LTF: variants seen among roughly 807,000 people sequenced by gnomAD.
The protein encoded by LTF is epididymis luminal protein 110.
A neutral mutation model predicts 87.2 loss-of-function variants in LTF; 91 were observed. The observed-to-expected ratio is 1.04, with a 90% confidence interval of 0.88 to 1.24. The LOEUF (loss-of-function observed/expected upper bound fraction) is 1.24. Ranked by LOEUF, LTF falls within the 50% of genes most tolerant of loss-of-function variation. The pLI is 0.00. For synonymous variants in LTF, 378 were observed against 356.1 expected (o/e 1.06, Z -0.69); for missense variants, 901 against 904.3 (o/e 1.00, Z 0.05).
chr3:46,455,288 C>A lies in LTF; in HGVS notation c.647+7G>T. ...GCCACTGACGAGAAGGGGACAGGGT[C>A]ACTCACTTGAAGGCACCAGAGTAGC... On this transcript the variant is annotated splice_region_variant and intron_variant, in intron 5 of 16. Transcript: ENST00000231751. 6.2e-7 allele frequency: 1 copy of A among 1,614,124 alleles called. No homozygotes were observed. Among genetic ancestry groups the A allele is most frequent in the Non-Finnish European group, 8.5e-7 (1 of 1,180,002 alleles).
At chr3:46,476,882 AC>A (rs1703366012) in intron 1 of LTF, among the ~76,000 whole-genome samples, 2 of 152,230 alleles carry the variant, frequency 1.3e-5, no homozygotes, top group Non-Finnish European at 2.9e-5. Flanking sequence ...TTACATGCTC[AC>A]TTCTGTATAA....
At chr3:46,471,282 G>GTT (rs2106917526) in intron 1 of LTF, among the ~76,000 whole-genome samples, 1 of 152,196 alleles carries the variant, frequency 6.6e-6, no homozygotes, top group South Asian at 2.1e-4. Flanking sequence ...TTCTCTGTCT[G>GTT]TTTCTCTCTC....
chr3:46,438,344 A>G (rs1702437408), intron 15 of LTF, among the ~76,000 whole-genome samples: 1 of 152,088 alleles, frequency 6.6e-6, no homozygotes, highest in Admixed American at 6.6e-5. Context: ...GCCTCGCACC[A>G]CTTCTGGTCC....
intron 6 of LTF, among the ~76,000 whole-genome samples, chr3:46,452,795 G>T (rs1702836143): frequency 6.6e-6 from 1 of 152,192 alleles, no homozygotes; most frequent in Admixed American, 6.5e-5. Flanking sequence ...AAGGTAAATT[G>T]CCTCACTGTA....
chr3:46,440,602 T>G (rs1702494476), intron 14 of LTF, among the ~76,000 whole-genome samples: 1 of 152,240 alleles, frequency 6.6e-6, no homozygotes. Context: ...CTTGGATTCC[T>G]CTATTTGATA....
Position 46,455,729 on chromosome 3 carries a change from GGC to G in LTF, c.499+65_499+66del, listed in dbSNP as rs1575317955. 4 of 1,479,090 alleles carry G rather than the reference GGC, an allele frequency of 2.7e-6. No homozygotes were observed. The East Asian group carries it at 9.1e-5, about 34-fold the overall frequency. The allele number at this position is 1,479,090 out of a possible 1,614,324, so 91.6% of individuals were successfully genotyped here. A position where few individuals can be genotyped will look rare whatever the true frequency, so the allele number is the denominator to read the frequency against. On this transcript the variant is annotated intron_variant, in intron 4 of 16. Transcript: ENST00000231751. ...ACACTTTCACCTGCATGATCTGTGT[GGC>G]CTGTGCTTACAACTGGAATAGAGCC...
At position 46,436,109 on chromosome 3, in the gene LTF, C is replaced by G. The variant is rs1031572592; in HGVS notation, c.*86G>C. 42 of 1,336,854 alleles carry G rather than the reference C, an allele frequency of 3.1e-5. 1 individual carries two copies. In the Admixed American group the frequency reaches 7.1e-4, roughly 23 times the overall value. 82.8% of individuals were successfully genotyped at this position (1,336,854 alleles called of 1,614,324 possible). ...CAATCCCCACCTTCAGCAGGGGAGG[C>G]CAAGGCCCCAACACACCTGGGGAGA... On this transcript the variant is annotated 3_prime_UTR_variant, in exon 17 of 17. Transcript: ENST00000231751.
At chr3:46,482,591 G>C (rs1481254906) in intron 1 of LTF, among the ~76,000 whole-genome samples, 1 of 94,172 alleles carries the variant, frequency 1.1e-5, no homozygotes, top group African/African-American at 3.4e-5. Flanking sequence ...AAGGGAGAAA[G>C]AGAGAGAAAG....
chr3:46,443,394 G>A (rs1286154455), intron 13 of LTF, 47 bp downstream of exon 13: 18 of 1,601,278 alleles, frequency 1.1e-5, no homozygotes, highest in Non-Finnish European at 1.4e-5. Context: ...GACATGCTGA[G>A]GGATGAGGTA....
rs958500522 is a variant in LTF at position 46,449,873 on chromosome 3, G to A, written c.1038C>T (p.Ala346=). The change falls in exon 8 of 17, where the codon GCC becomes GCT. Residue 346 remains alanine (A), a synonymous_variant. Coordinates refer to ENST00000231751, the MANE Select transcript of LTF (RefSeq NM_002343.6). ...ACTCACTTTTCCTCAAGTTCTGGATGGCAGTGAAGTAGCCGGAGCCAAGGT... is the reference window on the plus strand; with the variant it reads ...ACTCACTTTTCCTCAAGTTCTGGATAGCAGTGAAGTAGCCGGAGCCAAGGT... ...GLYLGSGYFT[A]IQNLRKSEEE... is the part of the protein sequence containing the mutation. The A allele has an allele frequency of 7.4e-6, 12 of 1,614,056 alleles. No individual in the cohort carries two copies. The highest frequency in any genetic ancestry group is 1.3e-5 in the African/African-American group (1 of 74,924).
Position 46,443,719 on chromosome 3 carries a change from T to C in LTF, c.1514-137A>G, listed in dbSNP as rs975973120. On this transcript the variant is annotated intron_variant, in intron 12 of 16. Transcript: ENST00000231751. ...CAATCTAGATAGAACACACTCACCA[T>C]CACAAAGCAACATGTTGTCACCAAC... 3 of 790,748 alleles carry C rather than the reference T, an allele frequency of 3.8e-6. No homozygotes were observed. The Admixed American group carries it at 6.3e-5, about 17-fold the overall frequency. The allele number at this position is 790,748 out of a possible 1,614,324, so 49.0% of individuals were successfully genotyped here. A position where few individuals can be genotyped will look rare whatever the true frequency, so the allele number is the denominator to read the frequency against.
At chr3:46,456,725 T>C (rs918557360) in intron 2 of LTF, among the ~76,000 whole-genome samples, 3 of 152,246 alleles carry the variant, frequency 2.0e-5, no homozygotes, top group African/African-American at 2.4e-5. Flanking sequence ...TCTATATTCA[T>C]TTCTTTTAAG....
At chr3:46,461,296 C>T in intron 1 of LTF, among the ~76,000 whole-genome samples, 1 of 152,324 alleles carries the variant, frequency 6.6e-6, no homozygotes, top group East Asian at 1.9e-4. Flanking sequence ...AATTGCACTT[C>T]TAGGCATATA....
chr3:46,482,703 G>GAAA (rs1703462442), intron 1 of LTF, among the ~76,000 whole-genome samples: 2 of 92,772 alleles, frequency 2.2e-5, no homozygotes, highest in African/African-American at 8.6e-5. Flanking sequence ...AAGGAAGGAA[G>GAAA]GAAAGAAAGA....
chr3:46,447,577 G>C (rs1375250057), intron 9 of LTF, among the ~76,000 whole-genome samples, 179 bp from the exon 10 acceptor site: 1 of 152,202 alleles, frequency 6.6e-6, no homozygotes, highest in Non-Finnish European at 1.5e-5. Context: ...TTCTCTCCCA[G>C]CCCTGCCTAC....
chr3:46,457,810 C>T lies in LTF; in HGVS notation c.208-1412G>A, dbSNP rs561286302. Among the ~76,000 whole-genome samples, 6 of 152,102 alleles carry T rather than the reference C, an allele frequency of 3.9e-5. No homozygotes were observed. The South Asian group carries it at 6.2e-4, about 16-fold the overall frequency. ...TCTTTTATTTATTTATTTTTTCGAG[C>T]GGAGTCACCCAGGCTGGAGTGCAGT... On this transcript the variant is annotated intron_variant, in intron 2 of 16. Coordinates refer to ENST00000231751, the MANE Select transcript of LTF (RefSeq NM_002343.6).
chr3:46,455,277 G>T lies in LTF; in HGVS notation c.647+18C>A. The stretch of plus-strand genomic sequence containing the variant: ...AGGGACACTTGGCCACTGACGAGAA[G>T]GGGACAGGGTCACTCACTTGAAGGC... On this transcript the variant is annotated intron_variant, in intron 5 of 16. Coordinates refer to ENST00000231751, the MANE Select transcript of LTF (RefSeq NM_002343.6). 2.5e-6 allele frequency: 4 copies of T among 1,613,978 alleles called. No homozygotes were observed. Among genetic ancestry groups the T allele is most frequent in the Middle Eastern group, 1.7e-4 (1 of 6,054 alleles).
chr3:46,456,099 C>A lies in LTF; in HGVS notation c.317-121G>T, dbSNP rs1481795415. The A allele has an allele frequency of 3.9e-6, 4 of 1,023,140 alleles. No homozygotes were observed. In the African/African-American group the frequency reaches 4.8e-5, roughly 12 times the overall value. 63.4% of individuals were successfully genotyped at this position (1,023,140 alleles called of 1,614,324 possible). ...TGTGCTGCAGTTTCCTCACAGCTCA[C>A]GTGTGTCCTCCTCTCGTGGGTCAGC... On this transcript the variant is annotated intron_variant, in intron 3 of 16. Coordinates refer to ENST00000231751, the MANE Select transcript of LTF (RefSeq NM_002343.6).
upstream of LTF, among the ~76,000 whole-genome samples, chr3:46,466,513 A>C (rs1487734246): frequency 1.3e-5 from 2 of 152,190 alleles, no homozygotes; most frequent in African/African-American, 4.8e-5. Context: ...GGCTCAGCCC[A>C]AGGTGGAGAG....
Sources: allele counts gnomAD v4.1 joint callset (sites outside exome capture counted in the v4.1 genomes callset), GRCh38; gene constraint gnomAD v4.1.1; transcripts MANE v1.5; gene names NCBI Gene and HGNC (gene_info 2026-07-23, HGNC 2026-07-21).